The following MICU2 variants were observed in gnomAD, a reference collection of about 807,000 sequenced individuals.
MICU2 encodes mitochondrial calcium uptake 2.
In MICU2, 64 loss-of-function variants were observed where a neutral mutation model predicts 60.4. The observed-to-expected ratio is 1.06, with a 90% CI of 0.87 to 1.31. The LOEUF is 1.31. Among genes scored for constraint, MICU2 ranks in the 50% most tolerant of loss-of-function variants. The pLI, the probability that MICU2 is intolerant of heterozygous loss-of-function variation, is 0.00. For missense variants in MICU2, 569 were observed against 531.0 expected, an observed-to-expected ratio of 1.07 and a Z score of -0.70; for synonymous variants, 201 against 175.0, an observed-to-expected ratio of 1.15 and a Z score of -1.17.
chr13:21,583,911 A>G (rs1888402652), intron 1 of MICU2, among the ~76,000 whole-genome samples: 1 of 152,240 alleles, frequency 6.6e-6, no homozygotes, highest in African/African-American at 2.4e-5. Context: ...ATAGAAATCA[A>G]CCCATTTACA....
intron 1 of MICU2, among the ~76,000 whole-genome samples, chr13:21,599,944 C>T (rs1053801366): frequency 6.6e-6 from 1 of 152,202 alleles, no homozygotes; most frequent in African/African-American, 2.4e-5. Flanking sequence ...AAGGCAGTTA[C>T]TGTAATACCA....
chr13:21,521,267 A>G lies in MICU2; in HGVS notation c.575T>C (p.Ile192Thr), dbSNP rs780621455. 2 of 1,605,642 alleles carry G rather than the reference A, an allele frequency of 1.2e-6. No individual in the cohort carries two copies. Among genetic ancestry groups the G allele is most frequent in the Non-Finnish European group, 1.7e-6 (2 of 1,177,356 alleles). ...TACCTTAAAAAATTCCCTTTTTTCAATCATCTCATTACCATCTGTATCCAG... is the reference window on the plus strand; with the variant it reads ...TACCTTAAAAAATTCCCTTTTTTCAGTCATCTCATTACCATCTGTATCCAG... ...KMLDTDGNEM[I>T]EKREFFKLQK... The change falls in exon 6 of 12, where the codon ATT (isoleucine) becomes ACT (threonine). Residue 192 changes from isoleucine to threonine, a missense_variant. Coordinates refer to ENST00000382374, the MANE Select transcript of MICU2 (RefSeq NM_152726.3).
chr13:21,596,717 C>T (rs1016402198), intron 1 of MICU2, among the ~76,000 whole-genome samples: 1 of 152,164 alleles, frequency 6.6e-6, no homozygotes, highest in Non-Finnish European at 1.5e-5. Flanking sequence ...AGCCACTATG[C>T]CCGGCCTCAC....
At chr13:21,515,421 T>C (rs1463064606) in intron 6 of MICU2, 1 of 278,880 alleles carries the variant, frequency 3.6e-6, no homozygotes, top group Non-Finnish European at 7.4e-6. Context: ...ACACATAGTC[T>C]TCCTTTTCCC....
intron 4 of MICU2, 141 bp from the exon 5 acceptor site, chr13:21,522,791 A>G (rs898435550): frequency 9.5e-5 from 52 of 545,466 alleles, no homozygotes; most frequent in Non-Finnish European, 1.4e-4. Context: ...AATTTTTATA[A>G]TAGTTGAAGT....
At chr13:21,595,205 G>C (rs1041595974) in intron 1 of MICU2, among the ~76,000 whole-genome samples, 8 of 152,170 alleles carry the variant, frequency 5.3e-5, no homozygotes, top group Admixed American at 1.3e-4. Context: ...TTGTCTCCCA[G>C]CTAAAATCCA....
intron 4 of MICU2, among the ~76,000 whole-genome samples, chr13:21,534,485 G>A (rs1475810427): frequency 6.6e-6 from 1 of 152,058 alleles, no homozygotes; most frequent in Non-Finnish European, 1.5e-5. Flanking sequence ...GGGGTTACAG[G>A]CATCAGCCAC....
At chr13:21,566,980 C>T in intron 1 of MICU2, 36 bp from the exon 2 acceptor site, 1 of 1,554,068 alleles carries the variant, frequency 6.4e-7, no homozygotes, top group Middle Eastern at 1.8e-4. Flanking sequence ...AAGATTTTTT[C>T]AGTGTTATTC....
chr13:21,508,108 C>G (rs1350715307), intron 8 of MICU2, among the ~76,000 whole-genome samples: 3 of 150,850 alleles, frequency 2.0e-5, no homozygotes, highest in African/African-American at 7.3e-5. Flanking sequence ...TGCCACTACA[C>G]TAGTTCAAGG....
chr13:21,569,634 T>TCTGTAGTATTATAATATA (rs1339642094), intron 1 of MICU2, among the ~76,000 whole-genome samples: 1 of 151,938 alleles, frequency 6.6e-6, no homozygotes, highest in East Asian at 1.9e-4. Flanking sequence ...AGGGGGCAAC[T>TCTGTAGTATTATAATATA]CTGTAGTATT....
At chr13:21,519,809 G>C (rs577793486) in intron 6 of MICU2, among the ~76,000 whole-genome samples, 1 of 152,316 alleles carries the variant, frequency 6.6e-6, no homozygotes, top group African/African-American at 2.4e-5. Flanking sequence ...TGACAATGAG[G>C]AAAGAGCAGG....
At chr13:21,512,352 T>C (rs938093972) in intron 7 of MICU2, among the ~76,000 whole-genome samples, 1 of 152,236 alleles carries the variant, frequency 6.6e-6, no homozygotes, top group Non-Finnish European at 1.5e-5. Context: ...TGATAGACCC[T>C]TATTAGATAT....
At chr13:21,569,081 T>A (rs375305465) in intron 1 of MICU2, among the ~76,000 whole-genome samples, 1 of 152,126 alleles carries the variant, frequency 6.6e-6, no homozygotes, top group Admixed American at 6.5e-5. Flanking sequence ...GAATTGAAAC[T>A]AAGGCTCGCT....
At position 21,496,044 on chromosome 13, in the gene MICU2, TA is replaced by T. The variant is rs745761359; in HGVS notation, c.1042+7del. On this transcript the variant is annotated splice_region_variant and intron_variant, in intron 10 of 11. Coordinates refer to ENST00000382374, the MANE Select transcript of MICU2 (RefSeq NM_152726.3). ...GATAAAAATTAAATGGTTTTTCATATAACTTACCTAGTCTGACAGGACGATG... is the reference window on the plus strand; with the variant it reads ...GATAAAAATTAAATGGTTTTTCATATACTTACCTAGTCTGACAGGACGATG... 1.9e-6 allele frequency: 3 copies of T among 1,594,844 alleles called. No homozygotes were observed. In the African/African-American group the frequency reaches 4.0e-5, roughly 21 times the overall value.
At chr13:21,524,700 C>T (rs780311268) in intron 4 of MICU2, among the ~76,000 whole-genome samples, 2 of 152,152 alleles carry the variant, frequency 1.3e-5, no homozygotes, top group African/African-American at 4.8e-5. Context: ...CGCTGTTGTA[C>T]AACCGTCATT....
chr13:21,580,597 TAAGAGTAACTCTTA>T (rs1375157915), intron 1 of MICU2, among the ~76,000 whole-genome samples: 2 of 152,018 alleles, frequency 1.3e-5, no homozygotes, highest in Non-Finnish European at 2.9e-5. Flanking sequence ...CTTAAATATT[TAAGAGTAACTCTTA>T]AATATTTGAA....
In MICU2 at chr13:21,561,915, C is replaced by T. The variant is rs36141449; in HGVS notation, c.358+4882G>A. On this transcript the variant is annotated intron_variant, in intron 2 of 11. Coordinates refer to ENST00000382374, the MANE Select transcript of MICU2 (RefSeq NM_152726.3). ...TGTGATGTTCCCCTTCCTGTGTCCACGTGTTCTCATTGTTCAATTCCCATC... is the reference window on the plus strand; with the variant it reads ...TGTGATGTTCCCCTTCCTGTGTCCATGTGTTCTCATTGTTCAATTCCCATC... Among the ~76,000 whole-genome samples the T allele has an allele frequency of 2.8e-4, 38 of 133,850 alleles. No individual in the cohort carries two copies. In the East Asian group the frequency reaches 6.3e-3, roughly 22 times the overall value. The allele number at this position is 133,850 out of a possible 152,430, so 87.8% of individuals were successfully genotyped here.
At position 21,539,679 on chromosome 13, in the gene MICU2, G is replaced by A; in HGVS notation, c.368C>T (p.Ser123Leu). 6 of 1,613,962 alleles carry A rather than the reference G, an allele frequency of 3.7e-6. No individual in the cohort carries two copies. Among genetic ancestry groups the A allele is most frequent in the Non-Finnish European group, 4.2e-6 (5 of 1,179,930 alleles). Reference sequence around the variant, plus strand: ...TACCTTTTTTGTCAGCTTCTTGACTGAAGTTTTACCTACAACAAATAAGAA... The same window carrying A: ...TACCTTTTTTGTCAGCTTCTTGACTAAAGTTTTACCTACAACAAATAAGAA... Reference protein sequence around the residue: ...VMFEQMERKTSVKKLTKKDIE... With the variant: ...VMFEQMERKTLVKKLTKKDIE... Residue 123 changes from serine (S) to leucine (L), a missense_variant, in exon 3 of 12, where the codon TCA becomes TTA. Ser to Leu is a moderately radical substitution (Grantham distance 145, BLOSUM62 -2). Transcript: ENST00000382374.
rs78313413 is a variant in MICU2 at position 21,559,037 on chromosome 13, G to A, written c.358+7760C>T. On this transcript the variant is annotated intron_variant, in intron 2 of 11. Transcript: ENST00000382374. ...CAAACTGGGACAGGGTAGGGAGGGA[G>A]TTCTTGGTTCAAGCATCCCAGACTC... Among the ~76,000 whole-genome samples the A allele has an allele frequency of 3.9e-3, 591 of 152,308 alleles. 10 individuals carry two copies. Among genetic ancestry groups the A allele is most frequent in the African/African-American group, 0.013 (549 of 41,564 alleles).
Sources: gnomAD v4.1 joint callset for allele counts (sites outside exome capture counted in the v4.1 genomes callset) on GRCh38, gnomAD v4.1.1 for gene constraint, MANE v1.5 for transcripts, NCBI Gene and HGNC (gene_info 2026-07-23, HGNC 2026-07-21) for gene names.